The following SPAG16 variants were observed in gnomAD, a reference collection of about 807,000 sequenced individuals.
SPAG16 encodes the protein sperm-associated antigen 16 protein.
Under a neutral mutation model 80.4 loss-of-function variants are expected in SPAG16, and 86 were observed. That is an observed-to-expected ratio of 1.07 (90% CI 0.90 to 1.28). The LOEUF (loss-of-function observed/expected upper bound fraction) is 1.28. SPAG16 is among the 50% of genes most tolerant of loss of function. The pLI is 0.00. For synonymous variants in SPAG16, 294 were observed against 265.9 expected (o/e 1.11, Z -1.03); for missense variants, 870 against 765.3 (o/e 1.14, Z -1.61).
chr2:214,164,711 G>A (rs1415727239), intron 15 of SPAG16, among the ~76,000 whole-genome samples: 1 of 152,114 alleles, frequency 6.6e-6, no homozygotes, highest in East Asian at 1.9e-4. Flanking sequence ...CAACTTAAAA[G>A]AGAGCTAATA....
chr2:213,891,902 C>T (rs914175873), intron 11 of SPAG16, among the ~76,000 whole-genome samples: 1 of 152,106 alleles, frequency 6.6e-6, no homozygotes, highest in Non-Finnish European at 1.5e-5. Flanking sequence ...AACCATCTTC[C>T]CCATCATATT....
chr2:213,653,491 G>A (rs1009740066), intron 10 of SPAG16, among the ~76,000 whole-genome samples: 17 of 152,146 alleles, frequency 1.1e-4, no homozygotes, highest in Non-Finnish European at 2.1e-4. Context: ...ATTCAAGTGA[G>A]ATAATTTGTT....
At position 213,521,886 on chromosome 2, in the gene SPAG16, C is replaced by T. The variant is rs192265479; in HGVS notation, c.1070+31796C>T. Among the ~76,000 whole-genome samples, 203 of 152,252 alleles carry T rather than the reference C, an allele frequency of 1.3e-3. 1 individual carries two copies. The highest frequency in any genetic ancestry group is 5.9e-3 in the Admixed American group (90 of 15,294). On this transcript the variant is annotated intron_variant, in intron 10 of 15. Transcript: ENST00000331683. ...GTAAATTATTGTTTATGCTTTTCTG[C>T]GTGCCCTGGGAAGACTTGCATTTGT... is the stretch of plus-strand genomic sequence containing the variant.
At position 213,311,379 on chromosome 2, in the gene SPAG16, A is replaced by T. The variant is rs192189044; in HGVS notation, c.398+1202A>T. ...CTTTCTGTGTTCAACAATGTGTGTT[A>T]GGACATGTGATGCTTATATGTTAGG... On this transcript the variant is annotated intron_variant, in intron 4 of 15. Transcript: ENST00000331683. 1.0e-3 allele frequency among the ~76,000 whole-genome samples: 157 copies of T among 151,850 alleles called. 3 individuals carry two copies. The highest frequency in any genetic ancestry group is 1.0e-4 in the Non-Finnish European group (7 of 67,692).
chr2:213,999,231 C>T (rs2046673867), intron 12 of SPAG16, among the ~76,000 whole-genome samples: 1 of 152,166 alleles, frequency 6.6e-6, no homozygotes, highest in Non-Finnish European at 1.5e-5. Context: ...GTGCCTGGCC[C>T]AGGATCCCCA....
chr2:213,445,347 T>A (rs2071227176), intron 9 of SPAG16, among the ~76,000 whole-genome samples: 1 of 152,022 alleles, frequency 6.6e-6, no homozygotes, highest in African/African-American at 2.4e-5. Context: ...TGGACAAAGA[T>A]CAAAAGAAGA....
chr2:213,654,550 A>C (rs1281540482), intron 10 of SPAG16, among the ~76,000 whole-genome samples: 1 of 145,964 alleles, frequency 6.9e-6, no homozygotes, highest in African/African-American at 2.6e-5. Flanking sequence ...CAAAAAAAAA[A>C]AAAAAAAAAA....
At chr2:213,874,823 T>A (rs903814718) in intron 11 of SPAG16, among the ~76,000 whole-genome samples, 1 of 152,150 alleles carries the variant, frequency 6.6e-6, no homozygotes, top group Non-Finnish European at 1.5e-5. Context: ...GGTTAAGGGC[T>A]TGGATGCAGG....
chr2:213,896,140 T>C (rs1241938196), intron 11 of SPAG16, among the ~76,000 whole-genome samples: 1 of 151,870 alleles, frequency 6.6e-6, no homozygotes, highest in East Asian at 1.9e-4. Context: ...CAAACAGACC[T>C]GAATAGACGT....
chr2:214,358,559 G>C (rs1245522563), intron 15 of SPAG16, among the ~76,000 whole-genome samples: 1 of 151,526 alleles, frequency 6.6e-6, no homozygotes, highest in Non-Finnish European at 1.5e-5. Flanking sequence ...CAGAACCTAT[G>C]GAATCTACCA....
chr2:214,042,061 CA>C (rs537699429), intron 13 of SPAG16, among the ~76,000 whole-genome samples: 126 of 144,758 alleles, frequency 8.7e-4, no homozygotes, highest in African/African-American at 3.1e-3. Flanking sequence ...CAAAACCTAT[CA>C]GCTGGAAGTT....
At position 213,757,752 on chromosome 2, in the gene SPAG16, G is replaced by A. The variant is rs187765719; in HGVS notation, c.1071-104733G>A. On this transcript the variant is annotated intron_variant, in intron 10 of 15. Coordinates refer to ENST00000331683, the MANE Select transcript of SPAG16 (RefSeq NM_024532.5). ...TGTGCACATGTTACTGGAGCAGTCT[G>A]CACAGAGCATGCAGGAACCAGAGTG... is the stretch of plus-strand genomic sequence containing the variant. Among the ~76,000 whole-genome samples the A allele has an allele frequency of 1.4e-4, 21 of 152,216 alleles. No individual in the cohort carries two copies. In the East Asian group the frequency reaches 3.7e-3, roughly 27 times the overall value.
At chr2:214,276,801 G>A (rs1692500015) in intron 15 of SPAG16, among the ~76,000 whole-genome samples, 1 of 152,074 alleles carries the variant, frequency 6.6e-6, no homozygotes, top group East Asian at 1.9e-4. Context: ...GTATCTTTGT[G>A]GTGTTCTCTT....
chr2:213,286,760 C>T (rs1056430195), intron 1 of SPAG16, among the ~76,000 whole-genome samples: 9 of 152,184 alleles, frequency 5.9e-5, no homozygotes, highest in East Asian at 5.8e-4. Flanking sequence ...CTATCAATAT[C>T]GAGCAAGACT....
chr2:214,320,182 A>G (rs939114282), intron 15 of SPAG16, among the ~76,000 whole-genome samples: 1 of 152,168 alleles, frequency 6.6e-6, no homozygotes, highest in Non-Finnish European at 1.5e-5. Flanking sequence ...TGATTTCTCA[A>G]TGCCATGCTG....
At chr2:213,673,021 G>C (rs1365219775) in intron 10 of SPAG16, among the ~76,000 whole-genome samples, 12 of 151,908 alleles carry the variant, frequency 7.9e-5, no homozygotes, top group African/African-American at 2.9e-4. Flanking sequence ...TCTCTTTCTT[G>C]AATTTCAGGA....
chr2:213,567,380 C>G (rs1441296689), intron 10 of SPAG16, among the ~76,000 whole-genome samples: 1 of 96,634 alleles, frequency 1.0e-5, no homozygotes, highest in Non-Finnish European at 2.0e-5. Flanking sequence ...TATCCCTCCC[C>G]CCTCCCCCGA....
intron 15 of SPAG16, among the ~76,000 whole-genome samples, chr2:214,288,752 C>CTTTATTTAT (rs1553546069): frequency 2.8e-5 from 4 of 141,468 alleles, no homozygotes; most frequent in African/African-American, 1.0e-4. Context: ...CCTTTGCCCA[C>CTTTATTTAT]TTATTTATTT....
At chr2:213,589,341 T>C (rs2060596900) in intron 10 of SPAG16, among the ~76,000 whole-genome samples, 1 of 152,242 alleles carries the variant, frequency 6.6e-6, no homozygotes, top group Non-Finnish European at 1.5e-5. Context: ...TGTTAACAAT[T>C]AACTTTGCTA....
Sources: gnomAD v4.1 joint callset for allele counts (sites outside exome capture counted in the v4.1 genomes callset) on GRCh38, gnomAD v4.1.1 for gene constraint, MANE v1.5 for transcripts, NCBI Gene and HGNC (gene_info 2026-07-23, HGNC 2026-07-21) for gene names.